MAST4: variants seen among roughly 807,000 people sequenced by gnomAD.
MAST4 encodes the protein microtubule associated serine/threonine kinase family member 4.
In MAST4, 89 loss-of-function variants were observed where a neutral mutation model predicts 162.7. That is an observed-to-expected ratio of 0.55 (90% CI 0.46 to 0.65). The LOEUF (loss-of-function observed/expected upper bound fraction) is 0.65, where lower values mean the gene tolerates loss of function less well. Among genes scored for constraint, MAST4 ranks in the 30% least tolerant of loss-of-function variants. The pLI is 0.00. For synonymous variants in MAST4, 1,479 were observed against 1,361.1 expected, an observed-to-expected ratio of 1.09 and a Z score of -1.91; for missense variants, 3,153 against 3,374.0, an observed-to-expected ratio of 0.93 and a Z score of 1.62.
intron 1 of MAST4, among the ~76,000 whole-genome samples, chr5:66,598,687 G>T (rs933025659): frequency 1.3e-5 from 2 of 152,196 alleles, no homozygotes; most frequent in East Asian, 3.9e-4. Context: ...CTAACTTAAT[G>T]ATTCACCAAT....
At chr5:67,041,223 A>G (rs1756698312) in intron 4 of MAST4, among the ~76,000 whole-genome samples, 1 of 152,156 alleles carries the variant, frequency 6.6e-6, no homozygotes, top group African/African-American at 2.4e-5. Context: ...AGTCCCTTGC[A>G]TGTTGCTCCA....
intron 3 of MAST4, among the ~76,000 whole-genome samples, chr5:66,850,829 A>T (rs1384257777): frequency 1.3e-5 from 2 of 152,080 alleles, no homozygotes; most frequent in African/African-American, 4.8e-5. Context: ...CCTAACAGAA[A>T]TTACTCCATT....
At chr5:66,861,182 T>C (rs188671240) in intron 3 of MAST4, among the ~76,000 whole-genome samples, 54 of 152,354 alleles carry the variant, frequency 3.5e-4, no homozygotes, top group Middle Eastern at 3.4e-3. Context: ...CTGGAGCTCA[T>C]GGGGACCTGA....
chr5:66,657,107 G>C (rs1455973953), intron 1 of MAST4, among the ~76,000 whole-genome samples: 1 of 152,194 alleles, frequency 6.6e-6, no homozygotes, highest in Non-Finnish European at 1.5e-5. Context: ...GTTCATTCCA[G>C]AGGTTTTATG....
chr5:66,874,485 A>G (rs1360486611), intron 3 of MAST4, among the ~76,000 whole-genome samples: 1 of 152,220 alleles, frequency 6.6e-6, no homozygotes, highest in African/African-American at 2.4e-5. Context: ...CTGATCCAGA[A>G]TAAACAGGTT....
chr5:66,934,555 A>G (rs1406779612), intron 4 of MAST4, among the ~76,000 whole-genome samples: 1 of 151,598 alleles, frequency 6.6e-6, no homozygotes, highest in East Asian at 1.9e-4. Flanking sequence ...TTAAAAATGT[A>G]TTAAGTATTC....
chr5:66,805,722 CTTG>C (rs958395035), intron 3 of MAST4, among the ~76,000 whole-genome samples: 1 of 152,136 alleles, frequency 6.6e-6, no homozygotes, highest in African/African-American at 2.4e-5. Context: ...AACCCTGGAC[CTTG>C]TTGTTTCCTG....
chr5:66,647,553 T>C (rs753908417), intron 1 of MAST4, among the ~76,000 whole-genome samples: 1 of 142,258 alleles, frequency 7.0e-6, no homozygotes, highest in Non-Finnish European at 1.6e-5. Context: ...CTGCATTATT[T>C]CAAATAAGGA....
chr5:66,794,407 G>A (rs1445972917), intron 3 of MAST4, among the ~76,000 whole-genome samples: 10 of 152,138 alleles, frequency 6.6e-5, no homozygotes, highest in Non-Finnish European at 1.3e-4. Flanking sequence ...ATGAACTCTT[G>A]TACAGTACTT....
At chr5:67,107,088 A>G (rs948694939) in intron 10 of MAST4, among the ~76,000 whole-genome samples, 3 of 152,214 alleles carry the variant, frequency 2.0e-5, no homozygotes, top group Non-Finnish European at 2.9e-5. Flanking sequence ...AGGCAGACAC[A>G]GGAATTCTGT....
chr5:66,892,881 TCCAGGCAGC>T (rs1199266320), intron 3 of MAST4, among the ~76,000 whole-genome samples: 1 of 152,218 alleles, frequency 6.6e-6, no homozygotes, highest in Non-Finnish European at 1.5e-5. Flanking sequence ...GTGTGTCCTG[TCCAGGCAGC>T]CAGCTGATTT....
At chr5:66,912,062 A>T (rs1194021816) in intron 4 of MAST4, among the ~76,000 whole-genome samples, 1 of 152,158 alleles carries the variant, frequency 6.6e-6, no homozygotes, top group Non-Finnish European at 1.5e-5. Flanking sequence ...GGCAGAGAGT[A>T]TCTTCTAGAT....
chr5:66,718,710 C>T (rs942960688), intron 1 of MAST4, among the ~76,000 whole-genome samples: 7 of 152,112 alleles, frequency 4.6e-5, no homozygotes, highest in Admixed American at 1.3e-4. Context: ...TGCTCTGTTC[C>T]GGTAAAGCCA....
intron 3 of MAST4, among the ~76,000 whole-genome samples, chr5:66,862,395 G>A (rs762380782): frequency 2.0e-5 from 3 of 152,136 alleles, no homozygotes; most frequent in Non-Finnish European, 4.4e-5. Flanking sequence ...CATATGTGCT[G>A]CAGTATAATT....
rs915778705 is a variant in MAST4 at position 66,614,240 on chromosome 5, G to T, written c.363+17222G>T. Among the ~76,000 whole-genome samples the T allele has an allele frequency of 7.2e-5, 11 of 152,300 alleles. 1 individual carries two copies. The South Asian group carries it at 2.1e-3, about 29-fold the overall frequency. On this transcript the variant is annotated intron_variant, in intron 1 of 28. Transcript: ENST00000403625. ...ATGAAAGCAGTCCGTGAGGCCCCGCGTGGGTGTCTGGCCAGTTCCACTACT... is the reference window on the plus strand; with the variant it reads ...ATGAAAGCAGTCCGTGAGGCCCCGCTTGGGTGTCTGGCCAGTTCCACTACT...
At chr5:66,985,284 A>G (rs779021586) in intron 4 of MAST4, among the ~76,000 whole-genome samples, 2 of 152,190 alleles carry the variant, frequency 1.3e-5, no homozygotes, top group Admixed American at 6.5e-5. Flanking sequence ...GTCTCTGCCC[A>G]TCTGTGCACA....
chr5:66,660,998 G>T (rs1161579867), intron 1 of MAST4, among the ~76,000 whole-genome samples: 1 of 152,186 alleles, frequency 6.6e-6, no homozygotes, highest in Non-Finnish European at 1.5e-5. Context: ...TCACATGTTA[G>T]CATGTAGCGT....
chr5:67,068,359 G>A (rs868024081), intron 5 of MAST4, among the ~76,000 whole-genome samples: 2 of 152,256 alleles, frequency 1.3e-5, no homozygotes, highest in Middle Eastern at 3.4e-3. Flanking sequence ...CAATCATGGC[G>A]GAAGGTGAAG....
intron 3 of MAST4, among the ~76,000 whole-genome samples, chr5:66,814,216 T>A (rs1054666396): frequency 1.3e-5 from 2 of 152,222 alleles, no homozygotes; most frequent in Non-Finnish European, 2.9e-5. Context: ...AATAACCTGT[T>A]TATGATCAAC....
Sources: gnomAD v4.1 joint callset for allele counts (sites outside exome capture counted in the v4.1 genomes callset) on GRCh38, gnomAD v4.1.1 for gene constraint, MANE v1.5 for transcripts, NCBI Gene and HGNC (gene_info 2026-07-23, HGNC 2026-07-21) for gene names.